CACNA2D1: variants seen among roughly 807,000 people sequenced by gnomAD.
CACNA2D1 encodes calcium voltage-gated channel auxiliary subunit alpha2delta 1.
A neutral mutation model predicts 171.5 loss-of-function variants in CACNA2D1; 53 were observed. The observed-to-expected ratio is 0.31, with a 90% confidence interval of 0.25 to 0.39. The LOEUF (loss-of-function observed/expected upper bound fraction) is 0.39, where lower values mean the gene tolerates loss of function less well. Among genes scored for constraint, CACNA2D1 ranks in the 10% least tolerant of loss-of-function variants. CACNA2D1 has a pLI of 1.00. For missense variants in CACNA2D1, 903 were observed against 1,299.8 expected, an observed-to-expected ratio of 0.69 and a Z score of 4.69; for synonymous variants, 442 against 443.1, an observed-to-expected ratio of 1.00 and a Z score of 0.03.
Position 81,997,507 on chromosome 7 carries a change from A to G in CACNA2D1, c.1591-257T>C, listed in dbSNP as rs37110. Among the ~76,000 whole-genome samples, 3,285 of 151,744 alleles carry G rather than the reference A, an allele frequency of 0.022. 122 individuals are homozygous for G. Among genetic ancestry groups the G allele is most frequent in the African/African-American group, 0.074 (3,067 of 41,438 alleles). On this transcript the variant is annotated intron_variant, in intron 18 of 38. Coordinates refer to ENST00000356860, the MANE Select transcript of CACNA2D1 (RefSeq NM_000722.4). Reference sequence around the variant, plus strand: ...TTTTGAGTGCTGTATTTGATACTGCATTTATATTCACAAGCTCTTTGGGCA... The same window carrying G: ...TTTTGAGTGCTGTATTTGATACTGCGTTTATATTCACAAGCTCTTTGGGCA...
intron 18 of CACNA2D1, among the ~76,000 whole-genome samples, chr7:82,003,849 A>G (rs564989775): frequency 6.6e-6 from 1 of 150,604 alleles, no homozygotes; most frequent in East Asian, 2.0e-4. Flanking sequence ...GGTTCAAGAG[A>G]TTCTCCCTGA....
intron 6 of CACNA2D1, among the ~76,000 whole-genome samples, chr7:82,106,101 T>C (rs1787728578): frequency 6.6e-6 from 1 of 152,204 alleles, no homozygotes; most frequent in African/African-American, 2.4e-5. Context: ...AGTCTGATCT[T>C]CGAATTTTGA....
intron 1 of CACNA2D1, among the ~76,000 whole-genome samples, chr7:82,409,114 T>C (rs190529115): frequency 2.0e-4 from 31 of 152,254 alleles, no homozygotes; most frequent in Non-Finnish European, 3.7e-4. Context: ...TGGCTATATC[T>C]ATAAGTTCCC....
chr7:82,393,352 A>C (rs1165256973), intron 1 of CACNA2D1, among the ~76,000 whole-genome samples: 1 of 152,216 alleles, frequency 6.6e-6, no homozygotes, highest in African/African-American at 2.4e-5. Flanking sequence ...TAATGAATAT[A>C]TGATCCATGC....
intron 3 of CACNA2D1, among the ~76,000 whole-genome samples, chr7:82,244,882 C>T (rs1208718595): frequency 6.6e-6 from 1 of 152,042 alleles, no homozygotes; most frequent in Non-Finnish European, 1.5e-5. Context: ...ACAATCTTTC[C>T]CTAACAGTCC....
chr7:82,066,414 T>C, intron 8 of CACNA2D1, 41 bp downstream of exon 8: 1 of 1,608,750 alleles, frequency 6.2e-7, no homozygotes, highest in Non-Finnish European at 8.5e-7. Flanking sequence ...ATATATCTTC[T>C]TGCCTATTTT....
chr7:82,440,047 G>GA (rs1028973930), intron 1 of CACNA2D1, among the ~76,000 whole-genome samples: 8 of 149,504 alleles, frequency 5.4e-5, no homozygotes, highest in Non-Finnish European at 1.0e-4. Context: ...CTAATAACAG[G>GA]AAAAAAAAAT....
At chr7:82,053,282 C>G (rs1223658174) in intron 10 of CACNA2D1, among the ~76,000 whole-genome samples, 1 of 150,774 alleles carries the variant, frequency 6.6e-6, no homozygotes, top group African/African-American at 2.4e-5. Flanking sequence ...AAATAATTAC[C>G]TATCAATTAT....
intron 3 of CACNA2D1, among the ~76,000 whole-genome samples, chr7:82,214,513 A>C (rs965823237): frequency 2.0e-5 from 3 of 151,692 alleles, no homozygotes; most frequent in Admixed American, 2.0e-4. Context: ...GAAAGTAAGG[A>C]CCTCAATCCT....
intron 3 of CACNA2D1, among the ~76,000 whole-genome samples, chr7:82,297,594 T>C (rs1812459478): frequency 6.6e-6 from 1 of 152,170 alleles, no homozygotes; most frequent in African/African-American, 2.4e-5. Context: ...AGGGTTTCTA[T>C]TAAACAAATG....
chr7:82,371,649 C>T (rs1454818809), intron 1 of CACNA2D1, among the ~76,000 whole-genome samples: 4 of 152,046 alleles, frequency 2.6e-5, no homozygotes, highest in Non-Finnish European at 4.4e-5. Flanking sequence ...CGCACAATCT[C>T]GGCTCACTGT....
intron 3 of CACNA2D1, among the ~76,000 whole-genome samples, chr7:82,318,138 C>A (rs761120710): frequency 3.9e-5 from 6 of 152,136 alleles, no homozygotes; most frequent in Non-Finnish European, 5.9e-5. Context: ...CAATTGCCTA[C>A]AACCTATGCT....
chr7:82,033,696 C>T (rs956322932), intron 11 of CACNA2D1, among the ~76,000 whole-genome samples: 1 of 152,058 alleles, frequency 6.6e-6, no homozygotes, highest in Admixed American at 6.6e-5. Context: ...CATGGTAAAT[C>T]TTCTTACACT....
chr7:82,062,646 C>T lies in CACNA2D1; in HGVS notation c.779+1658G>A, dbSNP rs1376220532. Among the ~76,000 whole-genome samples the T allele has an allele frequency of 8.4e-5, 12 of 142,400 alleles. No individual in the cohort carries two copies. The South Asian group carries it at 1.1e-3, about 13-fold the overall frequency. 93.4% of individuals were successfully genotyped at this position (142,400 alleles called of 152,430 possible). On this transcript the variant is annotated intron_variant, in intron 9 of 38. Transcript: ENST00000356860. ...TAAGTTTTAGGGTACATGTGCACAA[C>T]GTGCAGGTTTGTTACATACGTATAC...
chr7:82,067,872 C>T (rs1356077531), intron 7 of CACNA2D1, among the ~76,000 whole-genome samples: 1 of 152,110 alleles, frequency 6.6e-6, no homozygotes, highest in Non-Finnish European at 1.5e-5. Context: ...TTGTATCCTA[C>T]TTTCAGTACC....
At position 82,192,791 on chromosome 7, in the gene CACNA2D1, C is replaced by T. The variant is rs184222375; in HGVS notation, c.295-22182G>A. 2.2e-3 allele frequency among the ~76,000 whole-genome samples: 325 copies of T among 146,142 alleles called. 1 individual carries two copies. The highest frequency in any genetic ancestry group is 8.1e-3 in the African/African-American group (313 of 38,830). ...GAAACATCTAACTTTTCTTCTGTAA[C>T]TCTAACTAAACACACACACACACAC... On this transcript the variant is annotated intron_variant, in intron 3 of 38. Transcript: ENST00000356860.
intron 9 of CACNA2D1, among the ~76,000 whole-genome samples, chr7:82,061,587 C>G (rs1438312630): frequency 6.6e-6 from 1 of 152,142 alleles, no homozygotes; most frequent in African/African-American, 2.4e-5. Flanking sequence ...TGTAACCACC[C>G]AACAGGTTCT....
intron 1 of CACNA2D1, among the ~76,000 whole-genome samples, chr7:82,389,165 T>C (rs56023919): frequency 0.11 from 16,196 of 146,304 alleles, 1,097 homozygotes; most frequent in East Asian, 0.17. Context: ...TATATATATA[T>C]ACACACACAC....
intron 6 of CACNA2D1, among the ~76,000 whole-genome samples, chr7:82,089,725 C>T (rs7804444): frequency 2.6e-5 from 4 of 152,254 alleles, no homozygotes; most frequent in African/African-American, 7.2e-5. Context: ...CTAAAAGACA[C>T]GACTCTTCTA....
Sources: gnomAD v4.1 joint callset for allele counts (sites outside exome capture counted in the v4.1 genomes callset) on GRCh38, gnomAD v4.1.1 for gene constraint, MANE v1.5 for transcripts, NCBI Gene and HGNC (gene_info 2026-07-23, HGNC 2026-07-21) for gene names.